The following SUSD1 variants were observed in gnomAD, a reference collection of about 807,000 sequenced individuals.
The protein encoded by SUSD1 is sushi domain-containing protein 1.
Under a neutral mutation model 86.9 loss-of-function variants are expected in SUSD1, and 65 were observed. That is an observed-to-expected ratio of 0.75 (90% CI 0.61 to 0.92). SUSD1 has a LOEUF of 0.92. Ranked by LOEUF, SUSD1 falls within the 40% of genes least tolerant of loss-of-function variation. SUSD1 has a pLI of 0.00. For missense variants in SUSD1, 850 were observed against 929.7 expected, an observed-to-expected ratio of 0.91 and a Z score of 1.11; for synonymous variants, 346 against 350.0, an observed-to-expected ratio of 0.99 and a Z score of 0.13.
intron 5 of SUSD1, among the ~76,000 whole-genome samples, chr9:112,140,513 CAA>C (rs200242915): frequency 1.9e-5 from 2 of 105,474 alleles, no homozygotes; most frequent in African/African-American, 3.5e-5. Flanking sequence ...GACTCTGTCT[CAA>C]AAAAAAAAAG....
chr9:112,087,687 C>T (rs1830041554), intron 10 of SUSD1, among the ~76,000 whole-genome samples: 1 of 151,762 alleles, frequency 6.6e-6, no homozygotes, highest in Admixed American at 6.6e-5. Context: ...AAAATGAGAT[C>T]AAAAAGAAGT....
At chr9:112,112,441 C>T (rs1831139108) in intron 7 of SUSD1, among the ~76,000 whole-genome samples, 1 of 152,076 alleles carries the variant, frequency 6.6e-6, no homozygotes, top group South Asian at 2.1e-4. Context: ...TCAAGACCAG[C>T]CTGGCCAACG....
chr9:112,129,212 T>C (rs1831911436), intron 5 of SUSD1, among the ~76,000 whole-genome samples: 1 of 152,126 alleles, frequency 6.6e-6, no homozygotes, highest in Non-Finnish European at 1.5e-5. Context: ...GTGGTGATAG[T>C]TTGGATGTGA....
At chr9:112,103,184 TA>T (rs1215745260) in intron 8 of SUSD1, 6 of 457,378 alleles carry the variant, frequency 1.3e-5, no homozygotes, top group Non-Finnish European at 2.2e-5. Flanking sequence ...ATGAGAACAA[TA>T]AATTATTTTA....
intron 8 of SUSD1, among the ~76,000 whole-genome samples, chr9:112,106,845 G>C (rs958124536): frequency 1.3e-5 from 2 of 149,008 alleles, no homozygotes; most frequent in Non-Finnish European, 3.0e-5. Flanking sequence ...CACTCAAATA[G>C]AATTTGTCTT....
chr9:112,112,387 C>G (rs1244777537), intron 7 of SUSD1, among the ~76,000 whole-genome samples: 1 of 152,192 alleles, frequency 6.6e-6, no homozygotes, highest in Non-Finnish European at 1.5e-5. Context: ...ATAATCCCAG[C>G]ACTCTGGGAG....
intron 1 of SUSD1, among the ~76,000 whole-genome samples, chr9:112,165,440 C>T (rs1430491960): frequency 1.5e-5 from 2 of 133,006 alleles, no homozygotes; most frequent in African/African-American, 5.8e-5. Context: ...GACAAGGTCT[C>T]GCTCTGTCCC....
intron 15 of SUSD1, among the ~76,000 whole-genome samples, chr9:112,048,948 T>C (rs916510924): frequency 6.6e-6 from 1 of 152,224 alleles, no homozygotes; most frequent in African/African-American, 2.4e-5. Context: ...TAGAAGGGTA[T>C]GTTTGTGTCA....
chr9:112,053,043 T>C (rs894402413), intron 14 of SUSD1, among the ~76,000 whole-genome samples: 7 of 152,158 alleles, frequency 4.6e-5, no homozygotes, highest in African/African-American at 1.7e-4. Flanking sequence ...TATTTACCTG[T>C]TACAAATGCT....
At chr9:112,052,653 A>G (rs1828269810) in intron 14 of SUSD1, among the ~76,000 whole-genome samples, 1 of 152,186 alleles carries the variant, frequency 6.6e-6, no homozygotes, top group African/African-American at 2.4e-5. Context: ...CCTACAGATC[A>G]CTTCTATAGG....
Position 112,175,173 on chromosome 9 carries a change from G to A in SUSD1, c.63C>T (p.Leu21=), listed in dbSNP as rs1441909051. Residue 21 remains leucine, a synonymous_variant, in exon 1 of 17, where the codon CTC becomes CTT. Transcript: ENST00000374270. This position sits in a 1 kb window ranked among gnomAD's most constrained non-coding sequence, Gnocchi z 4.7. ...CTCCCGCGGCGCCGCGGGCCAGGCCGAGCAGCAGCAACAGCGGCAGCAGGC... is the reference window on the plus strand; with the variant it reads ...CTCCCGCGGCGCCGCGGGCCAGGCCAAGCAGCAGCAACAGCGGCAGCAGGC... The part of the protein sequence containing the change: ...SRRLLPLLLL[L]GLARGAAGAP... 1.8e-6 allele frequency: 2 copies of A among 1,114,414 alleles called. No individual in the cohort carries two copies. Among genetic ancestry groups the A allele is most frequent in the South Asian group, 4.2e-5 (1 of 23,818 alleles). The allele number at this position is 1,114,414 out of a possible 1,614,324, so 69.0% of individuals were successfully genotyped here. A position where few individuals can be genotyped will look rare whatever the true frequency, so the allele number is the denominator to read the frequency against.
chr9:112,156,708 G>A (rs769298235), intron 2 of SUSD1, among the ~76,000 whole-genome samples: 14 of 151,998 alleles, frequency 9.2e-5, no homozygotes, highest in East Asian at 3.9e-4. Context: ...TCAGTACCTC[G>A]CTGTTATTTT....
At chr9:112,099,053 C>CTG (rs941181748) in intron 9 of SUSD1, among the ~76,000 whole-genome samples, 7 of 114,626 alleles carry the variant, frequency 6.1e-5, no homozygotes, top group Non-Finnish European at 9.3e-5. Flanking sequence ...CTCTCTCTCT[C>CTG]TCTGTCTCTT....
intron 8 of SUSD1, among the ~76,000 whole-genome samples, chr9:112,105,519 G>C (rs143725095): frequency 2.0e-4 from 31 of 152,292 alleles, no homozygotes; most frequent in African/African-American, 7.5e-4. Flanking sequence ...AGGAGTTTGA[G>C]ATCAGCCTGG....
chr9:112,165,441 G>T (rs1167347649), intron 1 of SUSD1, among the ~76,000 whole-genome samples: 1 of 121,624 alleles, frequency 8.2e-6, no homozygotes, highest in Admixed American at 1.0e-4. Context: ...ACAAGGTCTC[G>T]CTCTGTCCCC....
intron 12 of SUSD1, among the ~76,000 whole-genome samples, chr9:112,077,991 A>G (rs1829592250): frequency 6.6e-6 from 1 of 152,096 alleles, no homozygotes; most frequent in African/African-American, 2.4e-5. Flanking sequence ...TGTTTCAGGT[A>G]TCTTCCCCCT....
At chr9:112,142,620 C>A in intron 4 of SUSD1, 121 bp from the exon 5 acceptor site, 1 of 904,720 alleles carries the variant, frequency 1.1e-6, no homozygotes, top group Non-Finnish European at 1.7e-6. Flanking sequence ...ATTTTAAGTA[C>A]ACTGGTTCAT....
chr9:112,070,723 A>C (rs892790193), intron 12 of SUSD1, among the ~76,000 whole-genome samples: 3 of 115,540 alleles, frequency 2.6e-5, no homozygotes, highest in African/African-American at 9.7e-5. Flanking sequence ...TTTGCTCTGC[A>C]AAAAAAAATA....
Position 112,124,448 on chromosome 9 carries a change from A to G in SUSD1, c.707-12T>C. ...GCCACAGTTGATCTCTGCAATGGGA[A>G]CCAAGACAGCACTGGTTATAAGCCC... is the stretch of plus-strand genomic sequence containing the variant. On this transcript the variant is annotated splice_polypyrimidine_tract_variant and intron_variant, in intron 5 of 16. Transcript: ENST00000374270. The G allele has an allele frequency of 6.2e-7, 1 of 1,611,496 alleles. No homozygotes were observed. Among genetic ancestry groups the G allele is most frequent in the Non-Finnish European group, 8.5e-7 (1 of 1,178,504 alleles).
Sources: gnomAD v4.1 joint callset for allele counts (sites outside exome capture counted in the v4.1 genomes callset) on GRCh38, gnomAD v4.1.1 for gene constraint, Gnocchi (gnomAD v3.1) non-coding constraint, MANE v1.5 for transcripts, NCBI Gene and HGNC (gene_info 2026-07-23, HGNC 2026-07-21) for gene names.